Variants in ADAMTS17 observed in about 807,000 individuals in gnomAD.
ADAMTS17 encodes ADAM metallopeptidase with thrombospondin type 1 motif 17.
Under a neutral mutation model 141.5 loss-of-function variants are expected in ADAMTS17, and 113 were observed. That is an observed-to-expected ratio of 0.80 (90% CI 0.69 to 0.93). ADAMTS17 has a LOEUF of 0.93. Among genes scored for constraint, ADAMTS17 ranks in the 40% least tolerant of loss-of-function variants. ADAMTS17 has a pLI of 0.00. For synonymous variants in ADAMTS17, 768 were observed against 630.6 expected, an observed-to-expected ratio of 1.22 and a Z score of -3.27; for missense variants, 1,659 against 1,517.9, an observed-to-expected ratio of 1.09 and a Z score of -1.54.
intron 7 of ADAMTS17, among the ~76,000 whole-genome samples, chr15:100,201,908 G>A (rs2041348461): frequency 6.6e-6 from 1 of 152,158 alleles, no homozygotes; most frequent in African/African-American, 2.4e-5. Flanking sequence ...CAGCCCTGAT[G>A]GTATGTGCAC....
intron 2 of ADAMTS17, among the ~76,000 whole-genome samples, chr15:100,332,899 AG>A (rs1360398119): frequency 1.3e-5 from 2 of 152,174 alleles, no homozygotes; most frequent in Non-Finnish European, 2.9e-5. Context: ...GGCTAGCACC[AG>A]GAAGGAGGGG....
intron 15 of ADAMTS17, among the ~76,000 whole-genome samples, chr15:100,079,036 G>A (rs1209892406): frequency 2.0e-5 from 3 of 152,206 alleles, no homozygotes; most frequent in African/African-American, 7.2e-5. Flanking sequence ...TACCCACTAG[G>A]ATGACTCTAA....
chr15:100,106,040 A>G (rs1372967588), intron 14 of ADAMTS17, among the ~76,000 whole-genome samples: 1 of 151,958 alleles, frequency 6.6e-6, no homozygotes, highest in African/African-American at 2.4e-5. Flanking sequence ...TCTGTCACGT[A>G]GGCTGGAGTG....
chr15:100,216,468 C>T (rs377528205), intron 7 of ADAMTS17, among the ~76,000 whole-genome samples: 64 of 152,260 alleles, frequency 4.2e-4, no homozygotes, highest in African/African-American at 1.3e-3. Flanking sequence ...CCACCTTCAC[C>T]GGCATCAGAG....
chr15:100,068,399 G>C (rs1042808932), intron 15 of ADAMTS17, among the ~76,000 whole-genome samples: 2 of 152,250 alleles, frequency 1.3e-5, no homozygotes, highest in African/African-American at 4.8e-5. Flanking sequence ...GCCTTGAAGA[G>C]AGTAGTGGTT....
At chr15:100,138,602 G>A (rs540584885) in intron 10 of ADAMTS17, among the ~76,000 whole-genome samples, 25 of 152,298 alleles carry the variant, frequency 1.6e-4, no homozygotes, top group Admixed American at 2.6e-4. Context: ...GAGGAAAGGC[G>A]GTGGGGAATA....
At chr15:100,057,281 T>C (rs2032661345) in intron 15 of ADAMTS17, among the ~76,000 whole-genome samples, 1 of 152,056 alleles carries the variant, frequency 6.6e-6, no homozygotes, top group Admixed American at 6.5e-5. Flanking sequence ...ACTGTGAGGA[T>C]AGAGGACACC....
intron 14 of ADAMTS17, among the ~76,000 whole-genome samples, chr15:100,097,857 G>A (rs899945): frequency 0.35 from 53,001 of 152,120 alleles, 10,310 homozygotes; most frequent in African/African-American, 0.54. Flanking sequence ...GTAATCCTCA[G>A]GTCTCATCCT....
chr15:100,233,690 C>T (rs1274392037), intron 7 of ADAMTS17, among the ~76,000 whole-genome samples: 1 of 152,084 alleles, frequency 6.6e-6, no homozygotes, highest in Non-Finnish European at 1.5e-5. Flanking sequence ...ATGGAGAGGC[C>T]GCTTCTGTCT....
chr15:100,089,838 T>TAGGGGGGAG (rs2035340461), intron 15 of ADAMTS17, among the ~76,000 whole-genome samples: 1 of 75,158 alleles, frequency 1.3e-5, no homozygotes, highest in African/African-American at 3.8e-5. Context: ...GTTGTGGGGT[T>TAGGGGGGAG]GGGGGAGGGG....
chr15:100,341,010 G>A, intron 2 of ADAMTS17, 29 bp downstream of exon 2: 1 of 1,521,572 alleles, frequency 6.6e-7, no homozygotes, highest in Non-Finnish European at 8.8e-7. Context: ...AGACCGGACG[G>A]GCCGACCCGG....
intron 7 of ADAMTS17, among the ~76,000 whole-genome samples, chr15:100,206,149 C>T (rs965164474): frequency 2.0e-5 from 3 of 152,204 alleles, no homozygotes; most frequent in African/African-American, 7.2e-5. Context: ...GTGATGAGTG[C>T]CTTGGAGTTC....
chr15:100,248,204 C>G (rs147075060), intron 7 of ADAMTS17, among the ~76,000 whole-genome samples: 4,661 of 152,262 alleles, frequency 0.031, 101 homozygotes, highest in South Asian at 0.055. Context: ...AAAAGGGAGG[C>G]CCTTCCATTA....
intron 13 of ADAMTS17, among the ~76,000 whole-genome samples, chr15:100,114,357 G>C (rs999770335): frequency 1.3e-5 from 2 of 152,074 alleles, no homozygotes; most frequent in African/African-American, 4.8e-5. Flanking sequence ...CTAGAACTGT[G>C]CCTCTTATAA....
intron 7 of ADAMTS17, among the ~76,000 whole-genome samples, chr15:100,251,231 C>T (rs2043143980): frequency 6.6e-6 from 1 of 152,142 alleles, no homozygotes; most frequent in African/African-American, 2.4e-5. Context: ...CACCCAGTCC[C>T]GACCATTAAA....
chr15:100,160,350 C>T (rs2039633987), intron 8 of ADAMTS17, among the ~76,000 whole-genome samples: 1 of 152,190 alleles, frequency 6.6e-6, no homozygotes, highest in Admixed American at 6.5e-5. Context: ...TTCTCCCTGG[C>T]TGGGATCTCC....
chr15:100,085,431 C>A (rs556089231), intron 15 of ADAMTS17, among the ~76,000 whole-genome samples: 13 of 145,138 alleles, frequency 9.0e-5, no homozygotes, highest in Middle Eastern at 3.4e-3. Flanking sequence ...AGGATATTAT[C>A]CAGGAGAACT....
intron 14 of ADAMTS17, among the ~76,000 whole-genome samples, chr15:100,103,574 C>CT (rs11411616): frequency 0.081 from 12,231 of 150,190 alleles, 1,266 homozygotes; most frequent in African/African-American, 0.24. Flanking sequence ...TCCAGCCACT[C>CT]TTTTTTTTTC....
intron 18 of ADAMTS17, among the ~76,000 whole-genome samples, chr15:100,019,739 C>T (rs2061366342): frequency 6.6e-6 from 1 of 152,214 alleles, no homozygotes; most frequent in Non-Finnish European, 1.5e-5. Flanking sequence ...CAAGCTACGT[C>T]TGCTGTGGAA....
Sources: allele counts gnomAD v4.1 joint callset (sites outside exome capture counted in the v4.1 genomes callset), GRCh38; gene constraint gnomAD v4.1.1; transcripts MANE v1.5; gene names NCBI Gene and HGNC (gene_info 2026-07-23, HGNC 2026-07-21).